Variants in GRID2 observed in about 807,000 individuals in gnomAD.
The protein encoded by GRID2 is glutamate receptor ionotropic, delta-2.
In GRID2, 33 loss-of-function variants were observed where a neutral mutation model predicts 114.8. That is an observed-to-expected ratio of 0.29 (90% CI 0.22 to 0.38). GRID2 has a LOEUF of 0.38. GRID2 is among the 10% of genes least tolerant of loss of function. GRID2 has a pLI of 1.00. For missense variants in GRID2, 1,184 were observed against 1,257.7 expected, an observed-to-expected ratio of 0.94 and a Z score of 0.89; for synonymous variants, 505 against 449.9, an observed-to-expected ratio of 1.12 and a Z score of -1.55.
intron 1 of GRID2, among the ~76,000 whole-genome samples, chr4:92,464,494 AAT>A (rs1721652527): frequency 6.6e-6 from 1 of 152,098 alleles, no homozygotes; most frequent in African/African-American, 2.4e-5. Context: ...GTATTAGGCC[AAT>A]ATATGTTAAT....
At position 92,335,965 on chromosome 4, in the gene GRID2, G is replaced by A. The variant is rs1029591034; in HGVS notation, c.88+31221G>A. The stretch of plus-strand genomic sequence containing the variant: ...AGGACAAAATTTATGTGTATACACT[G>A]ACAAACTTACAAATGCAAAAAAATT... On this transcript the variant is annotated intron_variant, in intron 1 of 15. Transcript: ENST00000282020. Among the ~76,000 whole-genome samples the A allele has an allele frequency of 5.9e-5, 9 of 152,210 alleles. No individual in the cohort carries two copies. In the East Asian group the frequency reaches 1.7e-3, roughly 29 times the overall value.
chr4:93,085,347 T>G, intron 3 of GRID2, 68 bp downstream of exon 3: 1 of 1,258,750 alleles, frequency 7.9e-7, no homozygotes, highest in Non-Finnish European at 1.1e-6. Context: ...TCATTAAATC[T>G]TAAAAGTTTC....
At chr4:93,446,188 C>A (rs756820997) in intron 10 of GRID2, among the ~76,000 whole-genome samples, 3 of 151,958 alleles carry the variant, frequency 2.0e-5, no homozygotes, top group Non-Finnish European at 4.4e-5. Context: ...CACTCTTCAG[C>A]GAGCAAATTA....
At chr4:93,341,706 G>C (rs1224227160) in intron 8 of GRID2, among the ~76,000 whole-genome samples, 1 of 152,116 alleles carries the variant, frequency 6.6e-6, no homozygotes, top group Non-Finnish European at 1.5e-5. Flanking sequence ...AAGTGGAGTA[G>C]ACCAATGGCC....
At chr4:92,435,629 T>C (rs1217097632) in intron 1 of GRID2, among the ~76,000 whole-genome samples, 1 of 152,200 alleles carries the variant, frequency 6.6e-6, no homozygotes, top group African/African-American at 2.4e-5. Flanking sequence ...GAAAAGCTTT[T>C]CACTATTTTC....
At chr4:92,646,141 G>A (rs1264695933) in intron 2 of GRID2, among the ~76,000 whole-genome samples, 1 of 18,054 alleles carries the variant, frequency 5.5e-5, no homozygotes, top group South Asian at 1.6e-3. Context: ...GTTTGGGTGG[G>A]TGGGCTATCT....
At chr4:93,478,437 TC>T (rs1417691324) in intron 11 of GRID2, among the ~76,000 whole-genome samples, 9 of 151,970 alleles carry the variant, frequency 5.9e-5, no homozygotes, top group Admixed American at 2.0e-4. Flanking sequence ...AAAGATCGTC[TC>T]CTTCTGTAGG....
intron 8 of GRID2, among the ~76,000 whole-genome samples, chr4:93,283,461 A>G (rs1327862722): frequency 1.3e-5 from 2 of 152,124 alleles, no homozygotes; most frequent in Non-Finnish European, 2.9e-5. Flanking sequence ...AGAATTTCAT[A>G]AAAATTACAA....
intron 2 of GRID2, among the ~76,000 whole-genome samples, chr4:92,640,837 A>G (rs1226612832): frequency 6.6e-6 from 1 of 151,918 alleles, no homozygotes; most frequent in East Asian, 1.9e-4. Flanking sequence ...AAAAAACAAA[A>G]AGTATATTCT....
intron 1 of GRID2, among the ~76,000 whole-genome samples, chr4:93,779,859 C>A (rs1734444466): frequency 6.6e-6 from 1 of 152,146 alleles, no homozygotes; most frequent in Non-Finnish European, 1.5e-5. Context: ...TGTCAGAGAG[C>A]AGCAAAAGGC....
intron 2 of GRID2, among the ~76,000 whole-genome samples, chr4:92,894,576 A>G (rs1209626103): frequency 1.3e-5 from 2 of 152,180 alleles, no homozygotes; most frequent in African/African-American, 2.4e-5. Context: ...CTTAATTAAT[A>G]GAAGGATAGA....
At chr4:92,367,396 G>A (rs1728920890) in intron 1 of GRID2, among the ~76,000 whole-genome samples, 1 of 151,962 alleles carries the variant, frequency 6.6e-6, no homozygotes, top group African/African-American at 2.4e-5. Flanking sequence ...GTTTGGGGGT[G>A]GTCTGATTCT....
intron 14 of GRID2, among the ~76,000 whole-genome samples, chr4:93,740,536 T>C (rs2110250617): frequency 6.6e-6 from 1 of 152,328 alleles, no homozygotes; most frequent in Middle Eastern, 3.4e-3. Context: ...TTTAGAGATG[T>C]TAATCAGGAA....
At chr4:93,353,309 C>T (rs560837170) in intron 8 of GRID2, among the ~76,000 whole-genome samples, 1 of 152,010 alleles carries the variant, frequency 6.6e-6, no homozygotes, top group South Asian at 2.1e-4. Flanking sequence ...TACCAGGAAC[C>T]CTGGAAAAAT....
intron 2 of GRID2, among the ~76,000 whole-genome samples, chr4:92,947,510 A>G (rs1751725252): frequency 6.6e-6 from 1 of 151,986 alleles, no homozygotes; most frequent in South Asian, 2.1e-4. Context: ...GATTTTTATT[A>G]GTAAAGAATA....
intron 2 of GRID2, among the ~76,000 whole-genome samples, chr4:92,963,063 C>T (rs1752925365): frequency 6.6e-6 from 1 of 151,952 alleles, no homozygotes; most frequent in Admixed American, 6.6e-5. Flanking sequence ...AAAAAAACAA[C>T]ATGAATACCT....
rs1239545760 is a variant in GRID2, at chr4:93,643,848, G to C, written c.2360+17413G>C. On this transcript the variant is annotated intron_variant, in intron 14 of 15. Transcript: ENST00000282020. The stretch of plus-strand genomic sequence containing the variant: ...AGCTGTGGTGGGCTCCACCCAGTTC[G>C]AGCTTCCAGGCTGCTTTGTTTACCT... 1.1e-4 allele frequency among the ~76,000 whole-genome samples: 9 copies of C among 81,944 alleles called. 2 individuals carry two copies. The highest frequency in any genetic ancestry group is 5.6e-4 in the African/African-American group (7 of 12,470). 53.8% of individuals were successfully genotyped at this position (81,944 alleles called of 152,430 possible). A position where few individuals can be genotyped will look rare whatever the true frequency, so the allele number is the denominator to read the frequency against.
At chr4:93,611,519 T>C (rs1243054119) in intron 13 of GRID2, among the ~76,000 whole-genome samples, 1 of 142,558 alleles carries the variant, frequency 7.0e-6, no homozygotes, top group South Asian at 2.2e-4. Flanking sequence ...GTTGTGTCTT[T>C]GTTCTCATTG....
intron 1 of GRID2, among the ~76,000 whole-genome samples, chr4:92,384,628 T>TATAATATATATTATATATAATATATAGAC (rs1729840019): frequency 1.1e-5 from 1 of 90,092 alleles, no homozygotes; most frequent in Non-Finnish European, 2.1e-5. Flanking sequence ...ATATATTATA[T>TATAATATATATTATATATAATATATAGAC]ATAATATATA....
Sources: gnomAD v4.1 joint callset for allele counts (sites outside exome capture counted in the v4.1 genomes callset) on GRCh38, gnomAD v4.1.1 for gene constraint, MANE v1.5 for transcripts, NCBI Gene and HGNC (gene_info 2026-07-23, HGNC 2026-07-21) for gene names.